MRTFB: variants seen among roughly 807,000 people sequenced by gnomAD.
MRTFB encodes the protein myocardin related transcription factor B.
In MRTFB, 29 loss-of-function variants were observed where a neutral mutation model predicts 104.2. That is an observed-to-expected ratio of 0.28 (90% CI 0.21 to 0.38). The LOEUF (loss-of-function observed/expected upper bound fraction) is 0.38, where lower values mean the gene tolerates loss of function less well. Ranked by LOEUF, MRTFB falls within the 10% of genes least tolerant of loss-of-function variation. The pLI is 1.00. For missense variants in MRTFB, 1,270 were observed against 1,341.6 expected (o/e 0.95, Z 0.83); for synonymous variants, 535 against 519.5 (o/e 1.03, Z -0.41).
chr16:14,000,654 A>G, the MRTFB span, among the ~76,000 whole-genome samples: 1 of 152,256 alleles, frequency 6.6e-6, no homozygotes, highest in Admixed American at 6.5e-5. Context: ...ACAGCCATCC[A>G]GGCTGGGTAC....
At chr16:14,152,096 G>C (rs1289712846) in intron 3 of MRTFB, 2 of 151,982 alleles carry the variant, frequency 1.3e-5, no homozygotes, top group African/African-American at 4.8e-5. Flanking sequence ...GAAGATTTTT[G>C]GTATTTTGAA....
chr16:14,181,844 G>C (rs985672662), intron 3 of MRTFB, among the ~76,000 whole-genome samples: 1 of 152,128 alleles, frequency 6.6e-6, no homozygotes, highest in African/African-American at 2.4e-5. Flanking sequence ...TTCTTGGATT[G>C]TTCCTAGTCT....
intron 3 of MRTFB, among the ~76,000 whole-genome samples, chr16:14,167,300 GTCT>G (rs2039277726): frequency 6.6e-6 from 1 of 151,902 alleles, no homozygotes; most frequent in African/African-American, 2.4e-5. Flanking sequence ...TTGCATAAAT[GTCT>G]TCTTTTGAGA....
chr16:14,239,579 G>A (rs187434040), intron 9 of MRTFB, among the ~76,000 whole-genome samples: 5 of 152,280 alleles, frequency 3.3e-5, no homozygotes, highest in African/African-American at 1.2e-4. Context: ...ATACTGAAAA[G>A]TATAAAGTGA....
intron 1 of MRTFB, 146 bp from the exon 2 acceptor site, chr16:14,079,144 A>T: frequency 3.7e-6 from 1 of 272,752 alleles, no homozygotes; most frequent in East Asian, 5.5e-5. Context: ...TCAAATTTTT[A>T]CTTTCCTTCC....
chr16:14,009,405 T>C, the MRTFB span: 1 of 152,170 alleles, frequency 6.6e-6, no homozygotes, highest in Non-Finnish European at 1.5e-5. Flanking sequence ...ATTCAAATAG[T>C]TTTTGGTAGC....
chr16:14,247,415 A>G lies in MRTFB; in HGVS notation c.2155A>G (p.Thr719Ala), dbSNP rs2043068068. 1.2e-6 allele frequency: 2 copies of G among 1,611,956 alleles called. No individual in the cohort carries two copies. Among genetic ancestry groups the G allele is most frequent in the Admixed American group, 1.7e-5 (1 of 60,014 alleles). The change falls in exon 12 of 17, where the codon ACC becomes GCC. Residue 719 changes from threonine (T) to alanine (A), a missense_variant. Transcript: ENST00000571589. Reference sequence around the variant, plus strand: ...TGTTGCTCAGCCCCAGGCTTTACTGACCACGCAGACTGCTCAGCTGCTGCT... The same window carrying G: ...TGTTGCTCAGCCCCAGGCTTTACTGGCCACGCAGACTGCTCAGCTGCTGCT... ...AVVAQPQALL[T>A]TQTAQLLLPV... is the part of the protein sequence containing the mutation.
intron 9 of MRTFB, among the ~76,000 whole-genome samples, chr16:14,236,149 C>G (rs915352154): frequency 2.6e-5 from 3 of 117,314 alleles, no homozygotes; most frequent in African/African-American, 6.4e-5. Flanking sequence ...TGCCTGCACT[C>G]CAGCCTACTC....
rs1567417378 is a variant in MRTFB at position 14,177,482 on chromosome 16, A to G, written c.155-32761A>G. Among the ~76,000 whole-genome samples the G allele has an allele frequency of 6.6e-6, 1 of 152,168 alleles. No individual in the cohort carries two copies. The highest frequency in any genetic ancestry group is 1.5e-5 in the Non-Finnish European group (1 of 68,026). On this transcript the variant is annotated intron_variant, in intron 3 of 16. Coordinates refer to ENST00000571589, the MANE Select transcript of MRTFB (RefSeq NM_001308142.2). This position sits in a 1 kb window ranked among gnomAD's most constrained non-coding sequence, Gnocchi z 4.7. ...TTAATCTTTGTTTTTTCACCTAGCA[A>G]AAGTGTGTCTTAAACTTAGATGATT...
intron 3 of MRTFB, among the ~76,000 whole-genome samples, chr16:14,155,294 C>T (rs2038787651): frequency 6.6e-6 from 1 of 151,690 alleles, no homozygotes; most frequent in Non-Finnish European, 1.5e-5. Flanking sequence ...TTTCCTTTTA[C>T]CTTTAGAAGT....
the MRTFB span, among the ~76,000 whole-genome samples, chr16:14,029,173 C>T: frequency 0.43 from 64,934 of 151,062 alleles, 14,182 homozygotes; most frequent in Middle Eastern, 0.6. Context: ...TGGTGGCGCA[C>T]ACCTGTGGTC....
At chr16:14,075,076 C>T (rs1035513710) in intron 1 of MRTFB, among the ~76,000 whole-genome samples, 3 of 152,126 alleles carry the variant, frequency 2.0e-5, no homozygotes, top group Admixed American at 6.5e-5. Context: ...TCAAATGGGA[C>T]GTCCTTAAAT....
At chr16:14,052,404 T>C in the MRTFB span, among the ~76,000 whole-genome samples, 1 of 152,220 alleles carries the variant, frequency 6.6e-6, no homozygotes, top group African/African-American at 2.4e-5. Context: ...TTATCATTTA[T>C]CTGTGCTGGG....
Position 14,177,073 on chromosome 16 carries a change from A to C in MRTFB, c.155-33170A>C, listed in dbSNP as rs924820369. Among the ~76,000 whole-genome samples, 1 of 152,212 alleles carries C rather than the reference A, an allele frequency of 6.6e-6. No homozygotes were observed. Among genetic ancestry groups the C allele is most frequent in the African/African-American group, 2.4e-5 (1 of 41,452 alleles). ...TCCAGGAAGAAAAAACTTGTACAAA[A>C]ACAAGGACAACACAGAGTGTATTAG... is the stretch of plus-strand genomic sequence containing the variant. On this transcript the variant is annotated intron_variant, in intron 3 of 16. Transcript: ENST00000571589. This position sits in a 1 kb window ranked among gnomAD's most constrained non-coding sequence, Gnocchi z 4.7.
the MRTFB span, among the ~76,000 whole-genome samples, chr16:14,060,880 C>G: frequency 1.3e-5 from 2 of 152,118 alleles, no homozygotes; most frequent in Non-Finnish European, 2.9e-5. Flanking sequence ...GGCGCGGTGG[C>G]TCACGCCTGT....
At chr16:13,999,707 G>A in the MRTFB span, among the ~76,000 whole-genome samples, 3 of 152,104 alleles carry the variant, frequency 2.0e-5, no homozygotes, top group Admixed American at 1.3e-4. Flanking sequence ...GATGGAGAAC[G>A]CTGTGTCCTT....
At chr16:14,197,348 C>T (rs2040485495) in intron 3 of MRTFB, among the ~76,000 whole-genome samples, 1 of 152,016 alleles carries the variant, frequency 6.6e-6, no homozygotes, top group Non-Finnish European at 1.5e-5. Flanking sequence ...TTTTTCATGG[C>T]CTTCTTTACT....
the MRTFB span, among the ~76,000 whole-genome samples, chr16:14,035,486 C>T: frequency 6.6e-6 from 1 of 152,172 alleles, no homozygotes; most frequent in Admixed American, 6.5e-5. Context: ...AGTAGAGTGG[C>T]AGTCATAAAA....
At chr16:14,184,010 T>C (rs1374720202) in intron 3 of MRTFB, among the ~76,000 whole-genome samples, 3 of 144,656 alleles carry the variant, frequency 2.1e-5, no homozygotes, top group Non-Finnish European at 3.0e-5. Context: ...CTGAGATTTA[T>C]AGGATTGTGA....
Sources: allele counts gnomAD v4.1 joint callset (sites outside exome capture counted in the v4.1 genomes callset), GRCh38; gene constraint gnomAD v4.1.1; non-coding constraint Gnocchi (gnomAD v3.1); transcripts MANE v1.5; gene names NCBI Gene and HGNC (gene_info 2026-07-23, HGNC 2026-07-21).